DUSP29: variants seen among roughly 807,000 people sequenced by gnomAD.
The protein encoded by DUSP29 is dual specificity phosphatase 29.
In DUSP29, 12 loss-of-function variants were observed where a neutral mutation model predicts 13.5. The ratio of observed to expected loss-of-function variants is 0.89; its 90% CI spans 0.57 to 1.44. The LOEUF is 1.44. DUSP29 is among the 40% of genes most tolerant of loss of function. The pLI is 0.00. For synonymous variants in DUSP29, 134 were observed against 128.7 expected, an observed-to-expected ratio of 1.04 and a Z score of -0.28; for missense variants, 308 against 301.1, an observed-to-expected ratio of 1.02 and a Z score of -0.17.
In DUSP29 at chr10:75,042,993, C is replaced by G. The variant is rs117860803; in HGVS notation, c.421+804G>C. Among the ~76,000 whole-genome samples, 599 of 152,344 alleles carry G rather than the reference C, an allele frequency of 3.9e-3. 2 individuals are homozygous for G. The highest frequency in any genetic ancestry group is 0.024 in the Middle Eastern group (7 of 294). On this transcript the variant is annotated intron_variant, in intron 3 of 3. Transcript: ENST00000338487. ...CCCCCGATGCGTCCCTAAGCTGTGC[C>G]CTTCTCTCCAAAATAGCCTTGTAGC... is the stretch of plus-strand genomic sequence containing the variant.
At chr10:75,060,423 C>A (rs1447807961) in intron 1 of DUSP29, among the ~76,000 whole-genome samples, 1 of 150,560 alleles carries the variant, frequency 6.6e-6, no homozygotes, top group Non-Finnish European at 1.5e-5. Flanking sequence ...CTATAGTGAG[C>A]CAAGATCATA....
rs1846646605 is a variant in DUSP29 at position 75,043,929 on chromosome 10, C to A, written c.289G>T (p.Gly97Trp). The A allele has an allele frequency of 6.2e-7, 1 of 1,613,754 alleles. No individual in the cohort carries two copies. The highest frequency in any genetic ancestry group is 1.3e-5 in the African/African-American group (1 of 74,940). ...TCCATGTCGCGGTAGTAGTCGGGCC[C>A]AGTGTCCACGTTCCAGCGGCCGTGG... ...AAHGRWNVDT[G>W]PDYYRDMDIQ... Residue 97 changes from glycine to tryptophan, a missense_variant, in exon 3 of 4, where the codon GGG becomes TGG. Physicochemically the swap from Gly to Trp is radical, Grantham distance 184. Coordinates refer to ENST00000338487, the MANE Select transcript of DUSP29 (RefSeq NM_001003892.3).
intron 3 of DUSP29, among the ~76,000 whole-genome samples, chr10:75,040,929 A>T (rs1307090901): frequency 6.6e-6 from 1 of 152,216 alleles, no homozygotes; most frequent in Admixed American, 6.5e-5. Context: ...GTACAGCTCC[A>T]CAAGGAACGC....
intron 2 of DUSP29, among the ~76,000 whole-genome samples, chr10:75,053,410 A>T (rs1452236032): frequency 1.3e-5 from 2 of 152,238 alleles, no homozygotes; most frequent in African/African-American, 4.8e-5. Context: ...CCAAGCACTT[A>T]CTGAGCATTT....
chr10:75,041,919 G>A (rs1016468044), intron 3 of DUSP29, among the ~76,000 whole-genome samples: 2 of 152,194 alleles, frequency 1.3e-5, no homozygotes, highest in Admixed American at 6.5e-5. Flanking sequence ...TTTGGCAGTG[G>A]GGGCAGACCC....
intron 1 of DUSP29, among the ~76,000 whole-genome samples, chr10:75,072,799 C>T (rs1847360980): frequency 6.6e-6 from 1 of 152,056 alleles, no homozygotes; most frequent in African/African-American, 2.4e-5. Context: ...TCTTGGGTTC[C>T]AGGCCCATGA....
In DUSP29 at chr10:75,070,191, A is replaced by G. The variant is rs573535603; in HGVS notation, c.-35+3378T>C. ...ATAACTGCCTCCACTTTACAGATGAAAAAATGAGGGTCAGGGAGGTTAAGA... is the reference window on the plus strand; with the variant it reads ...ATAACTGCCTCCACTTTACAGATGAGAAAATGAGGGTCAGGGAGGTTAAGA... On this transcript the variant is annotated intron_variant, in intron 1 of 3. Coordinates refer to ENST00000338487, the MANE Select transcript of DUSP29 (RefSeq NM_001003892.3). Among the ~76,000 whole-genome samples the G allele has an allele frequency of 2.0e-5, 3 of 152,310 alleles. No homozygotes were observed. The East Asian group carries it at 5.8e-4, about 29-fold the overall frequency.
intron 1 of DUSP29, among the ~76,000 whole-genome samples, chr10:75,064,378 CAT>C (rs2134303603): frequency 6.6e-6 from 1 of 152,124 alleles, no homozygotes; most frequent in Admixed American, 6.6e-5. Flanking sequence ...TGTGGTGGCG[CAT>C]GCCTGTAGTC....
chr10:75,069,811 G>A (rs977393851), intron 1 of DUSP29, among the ~76,000 whole-genome samples: 3 of 152,072 alleles, frequency 2.0e-5, no homozygotes, highest in Non-Finnish European at 4.4e-5. Flanking sequence ...GGAGGCCAAG[G>A]CAGGCGGATC....
intron 2 of DUSP29, among the ~76,000 whole-genome samples, chr10:75,045,285 G>C (rs886862463): frequency 6.6e-6 from 1 of 152,182 alleles, no homozygotes; most frequent in Non-Finnish European, 1.5e-5. Context: ...CACAAGAATC[G>C]CTTGAACCCA....
chr10:75,058,855 T>C (rs1032378385), intron 1 of DUSP29, among the ~76,000 whole-genome samples: 2 of 152,238 alleles, frequency 1.3e-5, no homozygotes, highest in African/African-American at 2.4e-5. Context: ...CACCTTTCTT[T>C]AGACTTTACT....
chr10:75,067,805 T>A (rs1240360442), intron 1 of DUSP29, among the ~76,000 whole-genome samples: 1 of 151,666 alleles, frequency 6.6e-6, no homozygotes, highest in Non-Finnish European at 1.5e-5. Flanking sequence ...TATAAGAAAA[T>A]ATTTTATTTT....
Position 75,069,500 on chromosome 10 carries a change from G to T in DUSP29, c.-35+4069C>A, listed in dbSNP as rs894227858. On this transcript the variant is annotated intron_variant, in intron 1 of 3. Transcript: ENST00000338487. ...CTTGTTCGGGGAAGGGCAAGACTCCGCAGGTGCAGCCCTCACCATGGTCCT... is the reference window on the plus strand; with the variant it reads ...CTTGTTCGGGGAAGGGCAAGACTCCTCAGGTGCAGCCCTCACCATGGTCCT... 3.3e-5 allele frequency among the ~76,000 whole-genome samples: 5 copies of T among 152,170 alleles called. No homozygotes were observed. In the South Asian group the frequency reaches 8.3e-4, roughly 25 times the overall value.
rs1242104717 is a variant in DUSP29 at position 75,038,068 on chromosome 10, AG to A, written c.430del (p.Leu144TrpfsTer19). On this transcript the variant is annotated frameshift_variant, in exon 4 of 4. Transcript: ENST00000338487. LOFTEE classifies it high-confidence loss of function. ...RALSDDHSKI[L>X]VHCVMGRSRS... ...GCTGCGGCCCATGACGCAGTGAACC[AG>A]GATCTTACCTGCAGATGGAGCAGGG... 1.2e-6 allele frequency: 2 copies of A among 1,612,960 alleles called. No homozygotes were observed. The highest frequency in any genetic ancestry group is 8.5e-7 in the Non-Finnish European group (1 of 1,179,580).
At chr10:75,072,245 C>T (rs1309949688) in intron 1 of DUSP29, among the ~76,000 whole-genome samples, 3 of 152,194 alleles carry the variant, frequency 2.0e-5, no homozygotes, top group East Asian at 3.9e-4. Flanking sequence ...AGACAGCAAA[C>T]TAAAAGAGCA....
At chr10:75,047,444 A>G (rs902326621) in intron 2 of DUSP29, among the ~76,000 whole-genome samples, 1 of 152,094 alleles carries the variant, frequency 6.6e-6, no homozygotes, top group Non-Finnish European at 1.5e-5. Flanking sequence ...GTCTGACACT[A>G]GATTGCTTTG....
chr10:75,037,994 T>G lies in DUSP29; in HGVS notation c.505A>C (p.Thr169Pro), dbSNP rs1205348987. ...ACTTGCTGGATGGCGTCCACCAGGG[T>G]CATGTCCTTGTGGATCATCAGGTAG... ...LAYLMIHKDM[T>P]LVDAIQQVAK... The change falls in exon 4 of 4, where the codon ACC becomes CCC. Residue 169 changes from threonine to proline, a missense_variant. Coordinates refer to ENST00000338487, the MANE Select transcript of DUSP29 (RefSeq NM_001003892.3). The G allele has an allele frequency of 6.2e-7, 1 of 1,613,824 alleles. No homozygotes were observed. Among genetic ancestry groups the G allele is most frequent in the Admixed American group, 1.7e-5 (1 of 60,016 alleles).
chr10:75,052,845 C>G (rs542942959), intron 2 of DUSP29, among the ~76,000 whole-genome samples: 1 of 152,236 alleles, frequency 6.6e-6, no homozygotes, highest in Non-Finnish European at 1.5e-5. Flanking sequence ...ATTGTTAGAA[C>G]GTTTGCAGCC....
intron 1 of DUSP29, among the ~76,000 whole-genome samples, chr10:75,064,848 TGTC>T (rs1321793613): frequency 6.6e-6 from 1 of 152,086 alleles, no homozygotes; most frequent in Non-Finnish European, 1.5e-5. Context: ...TACATCAAAA[TGTC>T]AATACCATGG....
Sources: allele counts gnomAD v4.1 joint callset (sites outside exome capture counted in the v4.1 genomes callset), GRCh38; gene constraint gnomAD v4.1.1; transcripts MANE v1.5; gene names NCBI Gene and HGNC (gene_info 2026-07-23, HGNC 2026-07-21).